The following NSD1 variants were observed in gnomAD, a reference collection of about 807,000 sequenced individuals.
NSD1 encodes the protein histone-lysine N-methyltransferase, H3 lysine-36 specific.
NSD1 carries 26 observed loss-of-function variants against 242.7 expected under a neutral mutation model. That is an observed-to-expected ratio of 0.11 (90% CI 0.08 to 0.15). The LOEUF is 0.15. Among genes scored for constraint, NSD1 ranks in the 10% least tolerant of loss-of-function variants. The probability of loss-of-function intolerance (pLI) is 1.00; values close to 1 mark genes in which losing one functional copy is unlikely to be tolerated. For synonymous variants in NSD1, 1,106 were observed against 1,178.1 expected, an observed-to-expected ratio of 0.94 and a Z score of 1.25; for missense variants, 2,495 against 3,272.8, an observed-to-expected ratio of 0.76 and a Z score of 5.80.
intron 17 of NSD1, among the ~76,000 whole-genome samples, chr5:177,279,879 A>C (rs1456991361): frequency 1.3e-5 from 2 of 150,800 alleles, no homozygotes; most frequent in African/African-American, 4.9e-5. Flanking sequence ...GGCCTCCCAA[A>C]GTGCTGGGAT....
At position 177,242,204 on chromosome 5, in the gene NSD1, G is replaced by C. The variant is rs1007498152; in HGVS notation, c.4303-1991G>C. On this transcript the variant is annotated intron_variant, in intron 8 of 22. Coordinates refer to ENST00000439151, the MANE Select transcript of NSD1 (RefSeq NM_022455.5). ...GTTTGGGGAGCATTGTAATTATTTTGTTCCACAGCTTTTGGGTAACTGTTA... is the reference window on the plus strand; with the variant it reads ...GTTTGGGGAGCATTGTAATTATTTTCTTCCACAGCTTTTGGGTAACTGTTA... Among the ~76,000 whole-genome samples the C allele has an allele frequency of 5.3e-5, 8 of 151,810 alleles. No homozygotes were observed. In the East Asian group the frequency reaches 1.2e-3, roughly 22 times the overall value.
Position 177,273,767 on chromosome 5 carries a change from C to T in NSD1, c.5605C>T (p.Pro1869Ser). Residue 1869 changes from proline (P) to serine (S), a missense_variant, in exon 17 of 23, where the codon CCT (proline) becomes TCT (serine). This residue lies in a region of NSD1 where 114 missense variants were observed against 247.4 expected (regional missense o/e 0.46). Coordinates refer to ENST00000439151, the MANE Select transcript of NSD1 (RefSeq NM_022455.5). ...EDRKNDKKPP[P>S]YKHIKVNRPI... ...CCGAAAGAATGACAAGAAGCCACCA[C>T]CTTATAAACATATAAAGGTGAGGAG... 1 of 1,612,378 alleles carries T rather than the reference C, an allele frequency of 6.2e-7. No homozygotes were observed. Among genetic ancestry groups the T allele is most frequent in the Non-Finnish European group, 8.5e-7 (1 of 1,178,654 alleles).
rs755285941 is a variant in NSD1, at chr5:177,295,107, C to T, written c.7739C>T (p.Ala2580Val). 8.1e-6 allele frequency: 13 copies of T among 1,611,930 alleles called. No homozygotes were observed. Among genetic ancestry groups the T allele is most frequent in the African/African-American group, 2.7e-5 (2 of 74,794 alleles). ...LSQSPGLVKQ[A>V]KQMVGGQQLP... ...CAATCCCCGGGCCTGGTGAAGCAGG[C>T]GAAGCAGATGGTCGGAGGCCAGCAA... The change falls in exon 23 of 23, where the codon GCG (alanine) becomes GTG (valine). Residue 2580 changes from alanine to valine, a missense_variant. Coordinates refer to ENST00000439151, the MANE Select transcript of NSD1 (RefSeq NM_022455.5). The surrounding 1 kb of genome is among the most constrained non-coding windows in gnomAD (Gnocchi z 4.3).
intron 13 of NSD1, among the ~76,000 whole-genome samples, chr5:177,258,011 G>C (rs757445068): frequency 3.1e-3 from 295 of 95,432 alleles, no homozygotes; most frequent in Middle Eastern, 0.022. Flanking sequence ...ATGGAGTTTC[G>C]CTTTTGTTGC....
intron 2 of NSD1, among the ~76,000 whole-genome samples, chr5:177,175,073 G>T (rs1760080039): frequency 6.6e-6 from 1 of 151,606 alleles, no homozygotes; most frequent in Non-Finnish European, 1.5e-5. Flanking sequence ...GGGTTTCACC[G>T]TGTTAGTCAA....
intron 2 of NSD1, among the ~76,000 whole-genome samples, chr5:177,187,450 G>A (rs1425597176): frequency 6.6e-6 from 1 of 152,082 alleles, no homozygotes; most frequent in East Asian, 1.9e-4. Flanking sequence ...CTGCAAAATC[G>A]AGATAATGCT....
intron 3 of NSD1, among the ~76,000 whole-genome samples, chr5:177,196,971 T>C (rs1762145800): frequency 6.6e-6 from 1 of 152,196 alleles, no homozygotes; most frequent in South Asian, 2.1e-4. Context: ...GTATCATTTA[T>C]AAATTGGGCA....
chr5:177,191,311 T>G (rs1761679101), intron 2 of NSD1, among the ~76,000 whole-genome samples: 1 of 144,532 alleles, frequency 6.9e-6, no homozygotes, highest in African/African-American at 2.6e-5. Context: ...TGTGAGTATT[T>G]AGAAGAATTC....
In NSD1 at chr5:177,210,707, G is replaced by A; in HGVS notation, c.2308G>A (p.Gly770Ser). The stretch of plus-strand genomic sequence containing the variant: ...ATCCAGTGAGAACTCGTTAATAAAG[G>A]GTGGGGCAGCAAATCAAGCTCTATT... ...SISSENSLIK[G>S]GAANQALLHS... The change falls in exon 5 of 23, where the codon GGT (glycine) becomes AGT (serine). Residue 770 changes from glycine (G) to serine (S), a missense_variant. Gly to Ser is a moderately conservative substitution (Grantham distance 56, BLOSUM62 0). Coordinates refer to ENST00000439151, the MANE Select transcript of NSD1 (RefSeq NM_022455.5). 1 of 1,614,140 alleles carries A rather than the reference G, an allele frequency of 6.2e-7. No homozygotes were observed. The highest frequency in any genetic ancestry group is 1.6e-4 in the Middle Eastern group (1 of 6,062).
At chr5:177,251,218 CA>C (rs1458343630) in intron 11 of NSD1, among the ~76,000 whole-genome samples, 1 of 151,794 alleles carries the variant, frequency 6.6e-6, no homozygotes, top group African/African-American at 2.4e-5. Context: ...ATAAATCTTA[CA>C]ATGTTTTATA....
intron 20 of NSD1, among the ~76,000 whole-genome samples, chr5:177,287,262 A>G (rs956806871): frequency 6.6e-6 from 1 of 152,228 alleles, no homozygotes; most frequent in Non-Finnish European, 1.5e-5. Flanking sequence ...GCTTTCTTTT[A>G]TTTGTGTATA....
At chr5:177,213,747 A>G (rs1763548069) in intron 5 of NSD1, among the ~76,000 whole-genome samples, 1 of 152,176 alleles carries the variant, frequency 6.6e-6, no homozygotes, top group Non-Finnish European at 1.5e-5. Flanking sequence ...CTGGGATTAC[A>G]GGCGTGAGCC....
In NSD1 at chr5:177,134,608, C is replaced by T. The variant is rs963831871; in HGVS notation, c.-17-479C>T. On this transcript the variant is annotated intron_variant, in intron 1 of 22. Coordinates refer to ENST00000439151, the MANE Select transcript of NSD1 (RefSeq NM_022455.5). This position sits in a 1 kb window ranked among gnomAD's most constrained non-coding sequence, Gnocchi z 4.2. ...GCCGCTGCAAAGGCTCCGGCGCTGG[C>T]TGGGCGCAGGGTGCAGCGCTATTGT... 6.6e-5 allele frequency among the ~76,000 whole-genome samples: 10 copies of T among 152,194 alleles called. No individual in the cohort carries two copies. The highest frequency in any genetic ancestry group is 1.3e-4 in the Non-Finnish European group (9 of 68,024).
At chr5:177,148,267 A>G (rs1757419229) in intron 2 of NSD1, among the ~76,000 whole-genome samples, 3 of 151,090 alleles carry the variant, frequency 2.0e-5, no homozygotes, top group South Asian at 4.2e-4. Flanking sequence ...ATAGGTGTCA[A>G]CCACCACACC....
upstream of NSD1, among the ~76,000 whole-genome samples, chr5:177,132,573 G>C (rs1755953522): frequency 6.6e-6 from 1 of 151,890 alleles, no homozygotes. This position sits in a 1 kb window ranked among gnomAD's most constrained non-coding sequence, Gnocchi z 7.5. Flanking sequence ...GGCTGGGCCC[G>C]GGCTGGGGAC....
At position 177,281,333 on chromosome 5, in the gene NSD1, CT is replaced by C. The variant is rs11384478; in HGVS notation, c.5892+513del. 4.8e-3 allele frequency among the ~76,000 whole-genome samples: 680 copies of C among 142,072 alleles called. 5 individuals are homozygous for C. Among genetic ancestry groups the C allele is most frequent in the African/African-American group, 0.013 (489 of 37,404 alleles). The allele number at this position is 142,072 out of a possible 152,430, so 93.2% of individuals were successfully genotyped here. On this transcript the variant is annotated intron_variant, in intron 18 of 22. Coordinates refer to ENST00000439151, the MANE Select transcript of NSD1 (RefSeq NM_022455.5). ...TAATAAATAAATAATATTGTATAGT[CT>C]TTTTTTTTTTTTTAATAAAATAAGC... is the stretch of plus-strand genomic sequence containing the variant.
At chr5:177,204,345 A>G (rs1762722923) in intron 4 of NSD1, 53 bp downstream of exon 4, 1 of 1,509,258 alleles carries the variant, frequency 6.6e-7, no homozygotes, top group Middle Eastern at 1.7e-4. Flanking sequence ...TAAGAAAAAG[A>G]AAGAAAATGG....
chr5:177,132,102 G>A (rs1269687850), upstream of NSD1, among the ~76,000 whole-genome samples: 1 of 152,204 alleles, frequency 6.6e-6, no homozygotes, highest in East Asian at 1.9e-4. This position sits in a 1 kb window ranked among gnomAD's most constrained non-coding sequence, Gnocchi z 7.5. Flanking sequence ...TCGGTGCTGC[G>A]GGCCCGGTGC....
chr5:177,213,606 T>A (rs1763530802), intron 5 of NSD1, among the ~76,000 whole-genome samples: 2 of 152,230 alleles, frequency 1.3e-5, no homozygotes, highest in South Asian at 4.1e-4. Flanking sequence ...TAGCTGGGAC[T>A]ACAGGCGCCC....
Sources: gnomAD v4.1 joint callset for allele counts (sites outside exome capture counted in the v4.1 genomes callset) on GRCh38, gnomAD v4.1.1 for gene constraint, gnomAD v4.1.1 regional missense constraint, Gnocchi (gnomAD v3.1) non-coding constraint, MANE v1.5 for transcripts, NCBI Gene and HGNC (gene_info 2026-07-23, HGNC 2026-07-21) for gene names.